AKAP9: variants seen among roughly 807,000 people sequenced by gnomAD.
The protein encoded by AKAP9 is A-kinase anchor protein 9.
In AKAP9, 311 loss-of-function variants were observed where a neutral mutation model predicts 488.5. The observed-to-expected ratio is 0.64, with a 90% CI of 0.58 to 0.70. AKAP9 has a LOEUF of 0.70. AKAP9 is among the 30% of genes least tolerant of loss of function. The pLI, the probability that AKAP9 is intolerant of heterozygous loss-of-function variation, is 0.00. For synonymous variants in AKAP9, 1,462 were observed against 1,483.5 expected (o/e 0.99, Z 0.33); for missense variants, 4,215 against 4,374.5 (o/e 0.96, Z 1.03).
At chr7:91,986,378 T>G (rs1797088624) in intron 3 of AKAP9, among the ~76,000 whole-genome samples, 1 of 152,154 alleles carries the variant, frequency 6.6e-6, no homozygotes, top group African/African-American at 2.4e-5. Flanking sequence ...CTGCCCTGCT[T>G]CGGCTCACCC....
At position 92,002,350 on chromosome 7, in the gene AKAP9, C is replaced by G. The variant is rs764146770; in HGVS notation, c.2433C>G (p.Ser811=). Residue 811 remains serine, a synonymous_variant, in exon 8 of 50, where the codon TCC becomes TCG. Coordinates refer to ENST00000356239, the MANE Select transcript of AKAP9 (RefSeq NM_005751.5). ...TGATTTTCTTAGACTCCATTAAGTC[C>G]AAATCCAAAGACTCTGTGTGGGAAA... ...ERLIFLDSIK[S]KSKDSVWEKE... is the part of the protein sequence containing the mutation. 2.5e-6 allele frequency: 4 copies of G among 1,612,648 alleles called. No individual in the cohort carries two copies. The highest frequency in any genetic ancestry group is 2.2e-5 in the South Asian group (2 of 90,816).
intron 12 of AKAP9, among the ~76,000 whole-genome samples, chr7:92,019,222 A>G (rs1801976636): frequency 1.3e-5 from 2 of 151,574 alleles, no homozygotes; most frequent in Non-Finnish European, 2.9e-5. Flanking sequence ...GCTCACTGCA[A>G]CCTCTGCCTC....
chr7:92,089,700 G>A (rs1287600746), intron 38 of AKAP9, 171 bp downstream of exon 38: 2 of 753,926 alleles, frequency 2.7e-6, no homozygotes, highest in East Asian at 6.0e-5. Flanking sequence ...TTAGAGGATT[G>A]TCTAATTGGT....
intron 14 of AKAP9, among the ~76,000 whole-genome samples, chr7:92,024,119 A>T (rs963642167): frequency 1.3e-5 from 2 of 151,572 alleles, no homozygotes; most frequent in Admixed American, 1.3e-4. Context: ...TATATATCAT[A>T]TATATAACTA....
intron 1 of AKAP9, among the ~76,000 whole-genome samples, chr7:91,970,662 T>C (rs879485875): frequency 6.6e-6 from 1 of 152,224 alleles, no homozygotes; most frequent in African/African-American, 2.4e-5. Context: ...CATCCTCCTA[T>C]ATGGTTTCTT....
At chr7:91,960,619 C>T (rs1238970789) in intron 1 of AKAP9, among the ~76,000 whole-genome samples, 2 of 152,114 alleles carry the variant, frequency 1.3e-5, no homozygotes, top group African/African-American at 4.8e-5. Flanking sequence ...CTTCAAAGCA[C>T]TTTTTATCAC....
In AKAP9 at chr7:92,085,648, G is replaced by A; in HGVS notation, c.8986G>A (p.Asp2996Asn). ...AYINTISSLK[D>N]LITKMQLQRE... ...CATCAATACAATCTCATCTCTAAAGGATTTAATTACAAAGATGCAACTGCA... is the reference window on the plus strand; with the variant it reads ...CATCAATACAATCTCATCTCTAAAGAATTTAATTACAAAGATGCAACTGCA... Residue 2996 changes from aspartate (D) to asparagine (N), a missense_variant, in exon 36 of 50, where the codon GAT becomes AAT. Asp to Asn is a conservative substitution (Grantham distance 23). Coordinates refer to ENST00000356239, the MANE Select transcript of AKAP9 (RefSeq NM_005751.5). 1 of 1,613,510 alleles carries A rather than the reference G, an allele frequency of 6.2e-7. No individual in the cohort carries two copies. The highest frequency in any genetic ancestry group is 8.5e-7 in the Non-Finnish European group (1 of 1,179,818).
chr7:91,977,683 G>C (rs981737899), intron 2 of AKAP9, among the ~76,000 whole-genome samples: 9 of 151,854 alleles, frequency 5.9e-5, no homozygotes, highest in African/African-American at 2.2e-4. Context: ...TCCTTTTTTT[G>C]TACATCTTGT....
At chr7:92,055,458 G>C (rs1563058499) in intron 22 of AKAP9, among the ~76,000 whole-genome samples, 1 of 152,010 alleles carries the variant, frequency 6.6e-6, no homozygotes, top group Non-Finnish European at 1.5e-5. Context: ...GTCCAAAAGA[G>C]AGCAACAAAA....
intron 21 of AKAP9, among the ~76,000 whole-genome samples, chr7:92,049,472 G>A (rs1432026355): frequency 2.0e-5 from 3 of 151,994 alleles, no homozygotes; most frequent in Non-Finnish European, 2.9e-5. Context: ...TTAGCCAGGC[G>A]TGGTGGTGGG....
At chr7:92,065,546 A>C in intron 25 of AKAP9, 83 bp downstream of exon 25, 1 of 1,003,288 alleles carries the variant, frequency 1.0e-6, no homozygotes, top group Non-Finnish European at 1.5e-6. Context: ...TTAAATTATG[A>C]AAAGACTGTT....
Position 92,002,801 on chromosome 7 carries a change from C to G in AKAP9, c.2884C>G (p.Leu962Val). The stretch of plus-strand genomic sequence containing the variant: ...AGAGCTGTCACAGAGACTGTCTGAT[C>G]TTTCTGAACAATTGAAACAGAAACA... ...KLELSQRLSDLSEQLKQKHGE... is the reference protein window; with the variant it reads ...KLELSQRLSDVSEQLKQKHGE... Residue 962 changes from leucine to valine, a missense_variant, in exon 8 of 50, where the codon CTT becomes GTT. By Grantham distance (32) the Leu-to-Val change is conservative. Transcript: ENST00000356239. The G allele has an allele frequency of 1.2e-6, 2 of 1,613,596 alleles. No individual in the cohort carries two copies. Among genetic ancestry groups the G allele is most frequent in the Non-Finnish European group, 1.7e-6 (2 of 1,179,692 alleles).
chr7:91,983,521 T>A (rs1796693525), intron 3 of AKAP9, among the ~76,000 whole-genome samples: 1 of 152,220 alleles, frequency 6.6e-6, no homozygotes, highest in South Asian at 2.1e-4. Context: ...TAGGTGTGCA[T>A]GTGTCTTTAT....
chr7:92,097,559 T>G, intron 41 of AKAP9, 27 bp from the exon 42 acceptor site: 1 of 1,606,188 alleles, frequency 6.2e-7, no homozygotes, highest in South Asian at 1.1e-5. Context: ...ATAATTATTG[T>G]TTTCTTATTC....
At chr7:91,986,482 C>T (rs1373900864) in intron 3 of AKAP9, among the ~76,000 whole-genome samples, 1 of 152,198 alleles carries the variant, frequency 6.6e-6, no homozygotes, top group East Asian at 1.9e-4. Context: ...CTGTGTCGCT[C>T]ACGCTGGGAG....
chr7:91,961,554 A>G (rs913911486), intron 1 of AKAP9, among the ~76,000 whole-genome samples: 1 of 151,590 alleles, frequency 6.6e-6, no homozygotes, highest in African/African-American at 2.4e-5. Context: ...AGTTAAAAAT[A>G]TTGAGTTTGG....
intron 8 of AKAP9, among the ~76,000 whole-genome samples, chr7:92,011,511 G>A (rs1263167517): frequency 6.6e-6 from 1 of 152,120 alleles, no homozygotes; most frequent in Non-Finnish European, 1.5e-5. Flanking sequence ...CATGGATCTT[G>A]AAAAACTGAT....
In AKAP9 at chr7:92,081,497, A is replaced by ATTTTT. The variant is rs376611467; in HGVS notation, c.8020-1016_8020-1012dup. Among the ~76,000 whole-genome samples the ATTTTT allele has an allele frequency of 2.5e-4, 21 of 85,372 alleles. 1 individual carries two copies. The highest frequency in any genetic ancestry group is 2.6e-4 in the Non-Finnish European group (11 of 42,010). 56.0% of individuals were successfully genotyped at this position (85,372 alleles called of 152,430 possible). A position where few individuals can be genotyped will look rare whatever the true frequency, so the allele number is the denominator to read the frequency against. ...TTTATATATATATATATATATATATATTTTTTTTTTTTTAGTAGAGACGAG... is the reference window on the plus strand; with the variant it reads ...TTTATATATATATATATATATATATATTTTTTTTTTTTTTTTTTAGTAGAGACGAG... On this transcript the variant is annotated intron_variant, in intron 31 of 49. Transcript: ENST00000356239.
chr7:91,991,551 A>G (rs914920388), intron 3 of AKAP9, among the ~76,000 whole-genome samples: 6 of 151,010 alleles, frequency 4.0e-5, no homozygotes, highest in South Asian at 2.1e-4. Context: ...AGCTCACTGC[A>G]AGTTCCGCCT....
Sources: gnomAD v4.1 joint callset for allele counts (sites outside exome capture counted in the v4.1 genomes callset) on GRCh38, gnomAD v4.1.1 for gene constraint, MANE v1.5 for transcripts, NCBI Gene and HGNC (gene_info 2026-07-23, HGNC 2026-07-21) for gene names.